Variants in BAZ2B observed in about 807,000 individuals in gnomAD.
BAZ2B encodes bromodomain adjacent to zinc finger domain protein 2B.
BAZ2B carries 91 observed loss-of-function variants against 246.0 expected under a neutral mutation model. That is an observed-to-expected ratio of 0.37 (90% CI 0.31 to 0.44). The LOEUF is 0.44. Ranked by LOEUF, BAZ2B falls within the 20% of genes least tolerant of loss-of-function variation. The probability of loss-of-function intolerance (pLI) is 1.00; values close to 1 mark genes in which losing one functional copy is unlikely to be tolerated. For missense variants in BAZ2B, 2,332 were observed against 2,533.7 expected (o/e 0.92, Z 1.71); for synonymous variants, 855 against 860.0 (o/e 0.99, Z 0.10).
chr2:159,462,600 A>C, intron 3 of BAZ2B: 1 of 883,660 alleles, frequency 1.1e-6, no homozygotes, highest in Admixed American at 1.7e-5. Flanking sequence ...GCGTCATTCG[A>C]AACAGTTAGC....
chr2:159,516,396 C>T (rs1451686750), intron 2 of BAZ2B: 1 of 152,268 alleles, frequency 6.6e-6, no homozygotes, highest in Non-Finnish European at 1.5e-5. Context: ...AGAATACCTA[C>T]TATTGTGTCC....
chr2:159,644,633 G>A, the BAZ2B span, among the ~76,000 whole-genome samples: 1 of 152,224 alleles, frequency 6.6e-6, no homozygotes, highest in Non-Finnish European at 1.5e-5. Flanking sequence ...TAGAATTCAA[G>A]AAGTCTGAAA....
In BAZ2B at chr2:159,383,451, C is replaced by G. The variant is rs147584123; in HGVS notation, c.3761+155G>C. On this transcript the variant is annotated intron_variant, in intron 24 of 36. Coordinates refer to ENST00000392783, the MANE Select transcript of BAZ2B (RefSeq NM_013450.4). ...ATCTTTTGTCCATTGCAAATTCTGC[C>G]CCTGAGTTTTATTAATTTTATATCC... Among the ~76,000 whole-genome samples, 155 of 152,022 alleles carry G rather than the reference C, an allele frequency of 1.0e-3. 1 individual carries two copies. The East Asian group carries it at 0.023, about 23-fold the overall frequency.
chr2:159,367,657 A>G (rs6432529), intron 27 of BAZ2B, among the ~76,000 whole-genome samples: 123,965 of 151,970 alleles, frequency 0.82, 51,345 homozygotes, highest in Middle Eastern at 0.91. Context: ...AGGCCGAGGT[A>G]GGCAGATCAT....
chr2:159,359,586 C>T (rs2059471365), intron 27 of BAZ2B, among the ~76,000 whole-genome samples: 1 of 152,140 alleles, frequency 6.6e-6, no homozygotes, highest in African/African-American at 2.4e-5. Flanking sequence ...AAAGGAGGGA[C>T]TCCTTCCTAA....
the BAZ2B span, among the ~76,000 whole-genome samples, chr2:159,663,054 C>A: frequency 6.6e-6 from 1 of 152,012 alleles, no homozygotes; most frequent in Non-Finnish European, 1.5e-5. Flanking sequence ...ATTCAAGATA[C>A]AAGTTTCTTA....
At chr2:159,512,712 T>C (rs536462976) in intron 2 of BAZ2B, among the ~76,000 whole-genome samples, 13 of 152,136 alleles carry the variant, frequency 8.5e-5, no homozygotes, top group Non-Finnish European at 1.5e-4. Context: ...GCAGCTGTAA[T>C]TTTCTAAGCA....
At chr2:159,644,105 G>T in the BAZ2B span, among the ~76,000 whole-genome samples, 1 of 152,066 alleles carries the variant, frequency 6.6e-6, no homozygotes, top group Non-Finnish European at 1.5e-5. Flanking sequence ...TCTAATAAAG[G>T]ATTAAATAAG....
Position 159,563,307 on chromosome 2 carries a change from A to T in BAZ2B, c.-45-7442T>A, listed in dbSNP as rs568775302. 2.0e-5 allele frequency among the ~76,000 whole-genome samples: 3 copies of T among 152,126 alleles called. No individual in the cohort carries two copies. In the South Asian group the frequency reaches 6.2e-4, roughly 31 times the overall value. On this transcript the variant is annotated intron_variant, in intron 1 of 36. Transcript: ENST00000392783. ...CCTGGTCCTTACTCAGAATTTTGGC[A>T]TATATTCATTATGTACCTTAGGCAA...
intron 27 of BAZ2B, among the ~76,000 whole-genome samples, chr2:159,355,305 C>T (rs570304228): frequency 6.6e-6 from 1 of 152,170 alleles, no homozygotes; most frequent in South Asian, 2.1e-4. Flanking sequence ...GACAGTGTTA[C>T]CACAAACCAG....
intron 23 of BAZ2B, among the ~76,000 whole-genome samples, chr2:159,384,189 T>TC (rs1307528643): frequency 6.6e-6 from 1 of 152,028 alleles, no homozygotes; most frequent in Non-Finnish European, 1.5e-5. Context: ...GGATGCTTTT[T>TC]CCCTTCTAAG....
chr2:159,450,329 C>T (rs979796086), intron 4 of BAZ2B, among the ~76,000 whole-genome samples: 10 of 150,680 alleles, frequency 6.6e-5, no homozygotes, highest in Middle Eastern at 3.4e-3. Context: ...GAGCTGAGAT[C>T]GCACCACTGC....
At chr2:159,427,828 C>T (rs1224997029) in intron 13 of BAZ2B, 113 bp downstream of exon 13, 2 of 767,232 alleles carry the variant, frequency 2.6e-6, no homozygotes, top group Non-Finnish European at 4.3e-6. Flanking sequence ...ATATGTATAG[C>T]CATATGAACT....
the BAZ2B span, among the ~76,000 whole-genome samples, chr2:159,622,926 CA>C: frequency 7.0e-6 from 1 of 143,536 alleles, no homozygotes; most frequent in Non-Finnish European, 1.5e-5. Flanking sequence ...AAGTCATGAT[CA>C]AACCACTGGA....
At chr2:159,335,670 C>T (rs1488274235) in intron 33 of BAZ2B, among the ~76,000 whole-genome samples, 1 of 151,558 alleles carries the variant, frequency 6.6e-6, no homozygotes, top group Non-Finnish European at 1.5e-5. Flanking sequence ...ATAGAAGAAA[C>T]GTAATTTATT....
chr2:159,357,561 C>T (rs1349025109), intron 27 of BAZ2B, among the ~76,000 whole-genome samples: 1 of 152,056 alleles, frequency 6.6e-6, no homozygotes, highest in African/African-American at 2.4e-5. Context: ...GGATATTATC[C>T]AGGAGAACTT....
chr2:159,570,853 TTTC>T (rs1481352710), intron 1 of BAZ2B, among the ~76,000 whole-genome samples: 3 of 152,102 alleles, frequency 2.0e-5, no homozygotes, highest in Non-Finnish European at 4.4e-5. Context: ...TTGTTAGCAT[TTTC>T]TTTTTTTGTT....
chr2:159,413,908 G>A (rs368841719), intron 13 of BAZ2B, among the ~76,000 whole-genome samples: 22 of 152,252 alleles, frequency 1.4e-4, no homozygotes, highest in African/African-American at 4.8e-4. Flanking sequence ...CAATTCCACT[G>A]CTCTGTATAT....
the BAZ2B span, among the ~76,000 whole-genome samples, chr2:159,642,916 T>G: frequency 2.6e-5 from 4 of 152,208 alleles, no homozygotes; most frequent in African/African-American, 9.6e-5. Context: ...ATCTTGAAAC[T>G]TTTTTGCTGT....
Sources: allele counts gnomAD v4.1 joint callset (sites outside exome capture counted in the v4.1 genomes callset), GRCh38; gene constraint gnomAD v4.1.1; transcripts MANE v1.5; gene names NCBI Gene and HGNC (gene_info 2026-07-23, HGNC 2026-07-21).